MRPS35: variants seen among roughly 807,000 people sequenced by gnomAD.
MRPS35 encodes mitochondrial ribosomal protein S35.
A neutral mutation model predicts 32.7 loss-of-function variants in MRPS35; 29 were observed. The observed-to-expected ratio is 0.89, with a 90% CI of 0.66 to 1.21. The LOEUF (loss-of-function observed/expected upper bound fraction) is 1.21. MRPS35 is among the 50% of genes most tolerant of loss of function. The pLI, the probability that MRPS35 is intolerant of heterozygous loss-of-function variation, is 0.00. For missense variants in MRPS35, 373 were observed against 383.8 expected, an observed-to-expected ratio of 0.97 and a Z score of 0.23; for synonymous variants, 148 against 139.3, an observed-to-expected ratio of 1.06 and a Z score of -0.44.
At chr12:27,733,076 T>C (rs1015136980) in intron 5 of MRPS35, among the ~76,000 whole-genome samples, 10 of 148,874 alleles carry the variant, frequency 6.7e-5, no homozygotes, top group Non-Finnish European at 1.2e-4. Flanking sequence ...ATCAGTGTTA[T>C]TTTGGGGATA....
chr12:27,729,457 A>C (rs958884201), intron 5 of MRPS35, among the ~76,000 whole-genome samples: 1 of 152,054 alleles, frequency 6.6e-6, no homozygotes, highest in South Asian at 2.1e-4. Context: ...GCATTAGATA[A>C]AATTTCTGAA....
In MRPS35 at chr12:27,716,467, AATTGCTG is replaced by A; in HGVS notation, c.321+13_321+19del. ...ATCTAGAACTTTTAAAGGTAAGACAAATTGCTGATTCATTGGCTCAGACTTACATAGA... is the reference window on the plus strand; with the variant it reads ...ATCTAGAACTTTTAAAGGTAAGACAAATTCATTGGCTCAGACTTACATAGA... On this transcript the variant is annotated intron_variant, in intron 3 of 7. Coordinates refer to ENST00000081029, the MANE Select transcript of MRPS35 (RefSeq NM_021821.4). 1.2e-6 allele frequency: 2 copies of A among 1,613,926 alleles called. No individual in the cohort carries two copies. Among genetic ancestry groups the A allele is most frequent in the Non-Finnish European group, 1.7e-6 (2 of 1,179,916 alleles).
chr12:27,746,900 C>T (rs534188218), intron 7 of MRPS35, among the ~76,000 whole-genome samples: 148 of 152,314 alleles, frequency 9.7e-4, no homozygotes, highest in African/African-American at 2.8e-3. Context: ...TTTTCATCAT[C>T]ATTTACCTGA....
chr12:27,734,487 C>T (rs765902129), intron 5 of MRPS35, among the ~76,000 whole-genome samples: 10 of 152,048 alleles, frequency 6.6e-5, no homozygotes, highest in Non-Finnish European at 1.2e-4. Flanking sequence ...GTGATCCGCC[C>T]GCCTCGGCCT....
chr12:27,718,560 T>G (rs1393003418), intron 3 of MRPS35, among the ~76,000 whole-genome samples: 2 of 152,234 alleles, frequency 1.3e-5, no homozygotes, highest in Non-Finnish European at 2.9e-5. Context: ...ACCTAATAAA[T>G]GCTAATTATT....
intron 6 of MRPS35, among the ~76,000 whole-genome samples, chr12:27,737,277 C>T (rs374411111): frequency 2.0e-5 from 3 of 152,250 alleles, no homozygotes; most frequent in East Asian, 1.9e-4. Flanking sequence ...GTAAAAGTAG[C>T]GTAAGCTATT....
At chr12:27,722,679 T>C (rs911135317) in intron 4 of MRPS35, among the ~76,000 whole-genome samples, 2 of 152,186 alleles carry the variant, frequency 1.3e-5, no homozygotes, top group Non-Finnish European at 2.9e-5. Flanking sequence ...ACAATCTTGC[T>C]CTGTTCATAT....
chr12:27,713,850 G>A (rs1462466180), intron 1 of MRPS35, among the ~76,000 whole-genome samples: 2 of 152,126 alleles, frequency 1.3e-5, no homozygotes, highest in East Asian at 3.9e-4. Flanking sequence ...CACTTTGGGA[G>A]GCTGAGGTGG....
rs554491087 is a variant in MRPS35, at chr12:27,717,257, T to C, written c.321+799T>C. Among the ~76,000 whole-genome samples, 241 of 152,292 alleles carry C rather than the reference T, an allele frequency of 1.6e-3. 1 individual carries two copies. The highest frequency in any genetic ancestry group is 3.0e-3 in the Non-Finnish European group (207 of 68,016). ...AATAACCTAATTTGAGATTAAGAAT[T>C]GGGAGGTGAAACTTCCAGTTTAAAA... On this transcript the variant is annotated intron_variant, in intron 3 of 7. Coordinates refer to ENST00000081029, the MANE Select transcript of MRPS35 (RefSeq NM_021821.4).
chr12:27,714,244 T>C (rs59031253), intron 1 of MRPS35, among the ~76,000 whole-genome samples: 11,607 of 152,124 alleles, frequency 0.076, 1,468 homozygotes, highest in African/African-American at 0.27. Flanking sequence ...GTAAGAGTCA[T>C]TTTTTAGATA....
chr12:27,716,488 G>C, intron 3 of MRPS35, 30 bp downstream of exon 3: 2 of 1,610,872 alleles, frequency 1.2e-6, no homozygotes, highest in Non-Finnish European at 8.5e-7. Flanking sequence ...CATTGGCTCA[G>C]ACTTACATAG....
At chr12:27,718,382 G>A (rs142155694) in intron 3 of MRPS35, among the ~76,000 whole-genome samples, 17 of 152,258 alleles carry the variant, frequency 1.1e-4, no homozygotes, top group Non-Finnish European at 1.9e-4. Flanking sequence ...AGCCGGGGTC[G>A]TGCCACTGCG....
At chr12:27,711,878 T>TTTTTTTTTTTTTTTTTTTTTGAG (rs2061826263) in intron 1 of MRPS35, among the ~76,000 whole-genome samples, 8 of 143,800 alleles carry the variant, frequency 5.6e-5, no homozygotes, top group East Asian at 2.1e-4. Flanking sequence ...TGTCTATTTT[T>TTTTTTTTTTTTTTTTTTTTTGAG]AAATTTTCAT....
intron 4 of MRPS35, among the ~76,000 whole-genome samples, chr12:27,722,213 C>A (rs1048628509): frequency 1.2e-4 from 18 of 144,444 alleles, no homozygotes; most frequent in African/African-American, 4.4e-4. Flanking sequence ...TTTTCAAGTA[C>A]TTCTTCTCAG....
chr12:27,718,147 AG>A lies in MRPS35; in HGVS notation c.322-1659del, dbSNP rs374551974. 3.1e-3 allele frequency among the ~76,000 whole-genome samples: 474 copies of A among 152,296 alleles called. 2 individuals carry two copies. Among genetic ancestry groups the A allele is most frequent in the African/African-American group, 0.011 (445 of 41,554 alleles). On this transcript the variant is annotated intron_variant, in intron 3 of 7. Transcript: ENST00000081029. ...TTGATTAAAACAATATTTTCTGGCC[AG>A]GTGTGGTGGCTCACACCCGTAATCC...
intron 5 of MRPS35, among the ~76,000 whole-genome samples, chr12:27,726,466 T>G (rs902615504): frequency 6.6e-6 from 1 of 152,184 alleles, no homozygotes; most frequent in South Asian, 2.1e-4. Context: ...TACAGGTTTT[T>G]GTGTAGATAT....
At position 27,710,890 on chromosome 12, in the gene MRPS35, C is replaced by G. The variant is rs1199686461; in HGVS notation, c.47C>G (p.Ala16Gly). ...GCATGGCTGTCTCTGCAGTCGAGGGCAAGGACTCTGCGTGCATTCTCCACT... is the reference window on the plus strand; with the variant it reads ...GCATGGCTGTCTCTGCAGTCGAGGGGAAGGACTCTGCGTGCATTCTCCACT... ...LPAWLSLQSR[A>G]RTLRAFSTAV... The change falls in exon 1 of 8, where the codon GCA becomes GGA. Residue 16 changes from alanine (A) to glycine (G), a missense_variant. By Grantham distance (60) the Ala-to-Gly change is moderately conservative. Transcript: ENST00000081029. The G allele has an allele frequency of 6.2e-7, 1 of 1,612,490 alleles. No individual in the cohort carries two copies. Among genetic ancestry groups the G allele is most frequent in the African/African-American group, 1.3e-5 (1 of 74,940 alleles).
At position 27,724,072 on chromosome 12, in the gene MRPS35, A is replaced by T. The variant is rs2061888590; in HGVS notation, c.408A>T (p.Ala136=). ...LKDFCTEWPA[A]LDSDEKCEKH... ...ATTTTTGCACTGAGTGGCCAGCCGC[A>T]CTGGACAGTGACGAGAAATGTGAGA... Residue 136 remains alanine, a synonymous_variant, in exon 5 of 8, where the codon GCA becomes GCT. Coordinates refer to ENST00000081029, the MANE Select transcript of MRPS35 (RefSeq NM_021821.4). 1 of 1,608,156 alleles carries T rather than the reference A, an allele frequency of 6.2e-7. No individual in the cohort carries two copies. The highest frequency in any genetic ancestry group is 8.5e-7 in the Non-Finnish European group (1 of 1,178,724).
intron 5 of MRPS35, among the ~76,000 whole-genome samples, chr12:27,731,870 G>A (rs1425407999): frequency 6.6e-6 from 1 of 152,134 alleles, no homozygotes; most frequent in African/African-American, 2.4e-5. Context: ...CACCTGGCCT[G>A]TGCCATCTTT....
Sources: allele counts gnomAD v4.1 joint callset (sites outside exome capture counted in the v4.1 genomes callset), GRCh38; gene constraint gnomAD v4.1.1; transcripts MANE v1.5; gene names NCBI Gene and HGNC (gene_info 2026-07-23, HGNC 2026-07-21).